Variants in SLC25A12 observed in about 807,000 individuals in gnomAD.
SLC25A12 encodes the protein electrogenic aspartate/glutamate antiporter SLC25A12, mitochondrial.
In SLC25A12, 32 loss-of-function variants were observed where a neutral mutation model predicts 83.3. That is an observed-to-expected ratio of 0.38 (90% CI 0.29 to 0.52). The LOEUF (loss-of-function observed/expected upper bound fraction) is 0.52, where lower values mean the gene tolerates loss of function less well. Among genes scored for constraint, SLC25A12 ranks in the 20% least tolerant of loss-of-function variants. The pLI is 0.84. For synonymous variants in SLC25A12, 267 were observed against 291.1 expected (o/e 0.92, Z 0.84); for missense variants, 611 against 835.6 (o/e 0.73, Z 3.31).
At position 171,787,771 on chromosome 2, in the gene SLC25A12, G is replaced by A. The variant is rs1450689697; in HGVS notation, c.1744+18C>T. The stretch of plus-strand genomic sequence containing the variant: ...TAGAGCCAGCCAGCCATTCTGTATG[G>A]CTCCAGCCCCTGCCTACCTGCAGTC... On this transcript the variant is annotated intron_variant, in intron 16 of 17. Transcript: ENST00000422440. 1.2e-6 allele frequency: 2 copies of A among 1,613,898 alleles called. No individual in the cohort carries two copies. Among genetic ancestry groups the A allele is most frequent in the Non-Finnish European group, 1.7e-6 (2 of 1,179,866 alleles).
chr2:171,854,228 C>A (rs948861315), intron 4 of SLC25A12, among the ~76,000 whole-genome samples: 9 of 152,316 alleles, frequency 5.9e-5, no homozygotes, highest in Admixed American at 2.0e-4. Flanking sequence ...TCGAAGCTTG[C>A]TCCAAAGGAG....
intron 3 of SLC25A12, among the ~76,000 whole-genome samples, chr2:171,862,384 T>C (rs1284782886): frequency 2.0e-5 from 3 of 152,316 alleles, no homozygotes; most frequent in East Asian, 3.9e-4. Context: ...TAAGCCACAA[T>C]CCCACAAATA....
chr2:171,797,107 A>C (rs1223187973), intron 13 of SLC25A12, among the ~76,000 whole-genome samples: 1 of 152,224 alleles, frequency 6.6e-6, no homozygotes, highest in East Asian at 1.9e-4. Context: ...AGCTTTCCAA[A>C]GGGGAAAAGC....
At chr2:171,870,965 G>C in intron 2 of SLC25A12, among the ~76,000 whole-genome samples, 1 of 152,086 alleles carries the variant, frequency 6.6e-6, no homozygotes, top group Non-Finnish European at 1.5e-5. Flanking sequence ...CCAGTACTTT[G>C]GGAGGCCAAG....
At chr2:171,889,075 A>G (rs183018493) in intron 2 of SLC25A12, among the ~76,000 whole-genome samples, 6 of 152,078 alleles carry the variant, frequency 3.9e-5, no homozygotes, top group Admixed American at 2.0e-4. Flanking sequence ...CATTCTCCCT[A>G]TTTCCCCTCC....
At chr2:171,818,277 C>T (rs746037452) in intron 9 of SLC25A12, among the ~76,000 whole-genome samples, 18 of 152,034 alleles carry the variant, frequency 1.2e-4, no homozygotes, top group Non-Finnish European at 2.4e-4. Context: ...GGAAAAGACG[C>T]TCTTTCCCTT....
intron 10 of SLC25A12, 130 bp from the exon 11 acceptor site, chr2:171,813,627 T>A: frequency 9.3e-7 from 1 of 1,069,744 alleles, no homozygotes; most frequent in South Asian, 1.3e-5. Flanking sequence ...GAGAGTTTAT[T>A]ATTTTTCTTT....
intron 10 of SLC25A12, among the ~76,000 whole-genome samples, 169 bp from the exon 11 acceptor site, chr2:171,813,666 C>A (rs1180653218): frequency 6.6e-6 from 1 of 152,130 alleles, no homozygotes; most frequent in Non-Finnish European, 1.5e-5. Flanking sequence ...GGATAGCAGG[C>A]TATAGCAAGC....
chr2:171,877,596 C>T (rs1045893218), intron 2 of SLC25A12, among the ~76,000 whole-genome samples: 3 of 148,648 alleles, frequency 2.0e-5, no homozygotes, highest in African/African-American at 7.4e-5. Flanking sequence ...ACCCAGGAGG[C>T]GGAGGTTGCA....
At chr2:171,876,094 A>G (rs1315555920) in intron 2 of SLC25A12, among the ~76,000 whole-genome samples, 1 of 152,058 alleles carries the variant, frequency 6.6e-6, no homozygotes, top group East Asian at 1.9e-4. Flanking sequence ...AAAGAAAACA[A>G]ATGCTTTAGT....
At chr2:171,860,860 T>C (rs749230992) in intron 3 of SLC25A12, among the ~76,000 whole-genome samples, 11 of 151,870 alleles carry the variant, frequency 7.2e-5, no homozygotes, top group Non-Finnish European at 1.6e-4. Flanking sequence ...AGGGGGAGGA[T>C]TGCTTAAGCC....
chr2:171,887,381 A>G (rs1235825716), intron 2 of SLC25A12, among the ~76,000 whole-genome samples: 2 of 152,230 alleles, frequency 1.3e-5, no homozygotes, highest in Non-Finnish European at 2.9e-5. Flanking sequence ...CATTTCAGTA[A>G]ATTTTTGATC....
intron 15 of SLC25A12, among the ~76,000 whole-genome samples, chr2:171,789,523 C>T (rs907740000): frequency 1.8e-4 from 27 of 152,172 alleles, no homozygotes; most frequent in African/African-American, 4.3e-4. Flanking sequence ...CCACCAAGCT[C>T]GGCCTCAGCC....
intron 15 of SLC25A12, 82 bp from the exon 16 acceptor site, chr2:171,788,029 G>T: frequency 7.0e-7 from 1 of 1,427,822 alleles, no homozygotes; most frequent in Non-Finnish European, 9.7e-7. Context: ...TATAGAGCCT[G>T]CAACTTCAAC....
chr2:171,875,798 C>T (rs566881305), intron 2 of SLC25A12, among the ~76,000 whole-genome samples: 5 of 151,444 alleles, frequency 3.3e-5, no homozygotes, highest in Admixed American at 6.6e-5. Context: ...CTGTAGTCCC[C>T]GCTACTCGGG....
chr2:171,842,504 G>C (rs1175373123), intron 5 of SLC25A12, among the ~76,000 whole-genome samples: 1 of 152,124 alleles, frequency 6.6e-6, no homozygotes, highest in African/African-American at 2.4e-5. Flanking sequence ...TGAGGCAGGA[G>C]AATCGCTTGA....
intron 2 of SLC25A12, among the ~76,000 whole-genome samples, chr2:171,886,775 G>A (rs1326081845): frequency 2.0e-5 from 3 of 152,148 alleles, no homozygotes; most frequent in African/African-American, 4.8e-5. Context: ...CTCCCAAAGT[G>A]CTGGGATTAC....
intron 4 of SLC25A12, among the ~76,000 whole-genome samples, chr2:171,854,643 G>A (rs1410055268): frequency 6.6e-6 from 1 of 152,108 alleles, no homozygotes; most frequent in East Asian, 1.9e-4. Context: ...TTGAGTCAAT[G>A]GGCAGAAGGA....
chr2:171,817,983 G>T (rs1413253748), intron 9 of SLC25A12, among the ~76,000 whole-genome samples: 2 of 152,114 alleles, frequency 1.3e-5, no homozygotes, highest in Non-Finnish European at 2.9e-5. Flanking sequence ...AATGCCTTTT[G>T]ACAGAAATGT....
Sources: gnomAD v4.1 joint callset for allele counts (sites outside exome capture counted in the v4.1 genomes callset) on GRCh38, gnomAD v4.1.1 for gene constraint, MANE v1.5 for transcripts, NCBI Gene and HGNC (gene_info 2026-07-23, HGNC 2026-07-21) for gene names.